Variants in QTRT1 observed in about 807,000 individuals in gnomAD.
QTRT1 encodes queuine tRNA-ribosyltransferase catalytic subunit 1.
QTRT1 carries 41 observed loss-of-function variants against 44.0 expected under a neutral mutation model. That is an observed-to-expected ratio of 0.93 (90% CI 0.73 to 1.21). The LOEUF (loss-of-function observed/expected upper bound fraction) is 1.21. QTRT1 is among the 50% of genes most tolerant of loss of function. The pLI is 0.00. For synonymous variants in QTRT1, 226 were observed against 237.1 expected (o/e 0.95, Z 0.43); for missense variants, 542 against 575.8 (o/e 0.94, Z 0.60).
chr19:10,705,018 C>G (rs544279641), intron 3 of QTRT1, among the ~76,000 whole-genome samples: 3 of 150,536 alleles, frequency 2.0e-5, no homozygotes, highest in Admixed American at 1.3e-4. Context: ...CGGGTTTAAG[C>G]TATTCTCCTG....
At chr19:10,709,709 C>T (rs867996105) in intron 5 of QTRT1, among the ~76,000 whole-genome samples, 21 of 152,258 alleles carry the variant, frequency 1.4e-4, no homozygotes, top group Admixed American at 2.6e-4. Context: ...ATTAGCTGGG[C>T]GTGGTGGCGG....
intron 5 of QTRT1, 169 bp from the exon 6 acceptor site, chr19:10,711,992 T>TGTCTCCCTCTCC (rs536637303): frequency 2.6e-6 from 2 of 772,346 alleles, no homozygotes; most frequent in South Asian, 1.7e-5. Flanking sequence ...CCCTCTCCTC[T>TGTCTCCCTCTCC]GTCTCCCTCT....
chr19:10,712,442 G>T lies in QTRT1; in HGVS notation c.786-111G>T. On this transcript the variant is annotated intron_variant, in intron 6 of 9. Coordinates refer to ENST00000250237, the MANE Select transcript of QTRT1 (RefSeq NM_031209.3). The surrounding 1 kb of genome is among the most constrained non-coding windows in gnomAD (Gnocchi z 5.6). ...GACTAGGAAGACATGGCTGTCCCTT[G>T]GGGGCCATTCTGAGGGAATATGGCC... 1 of 1,449,210 alleles carries T rather than the reference G, an allele frequency of 6.9e-7. No homozygotes were observed. Among genetic ancestry groups the T allele is most frequent in the Non-Finnish European group, 9.6e-7 (1 of 1,039,588 alleles). The allele number at this position is 1,449,210 out of a possible 1,614,324, so 89.8% of individuals were successfully genotyped here. A position where few individuals can be genotyped will look rare whatever the true frequency, so the allele number is the denominator to read the frequency against.
Position 10,702,241 on chromosome 19 carries a change from C to T in QTRT1, c.438C>T (p.Ile146=), listed in dbSNP as rs746958993. The change falls in exon 3 of 10, where the codon ATC becomes ATT. Residue 146 remains isoleucine, a synonymous_variant. Coordinates refer to ENST00000250237, the MANE Select transcript of QTRT1 (RefSeq NM_031209.3). The stretch of plus-strand genomic sequence containing the variant: ...TGAGCCCGGAGAAATCCGTGCAGAT[C>T]CAGAATGCGCTGGGTGAGAGGACCC... ...TLLSPEKSVQ[I]QNALGSDIIM... is the part of the protein sequence containing the mutation. 7 of 1,614,034 alleles carry T rather than the reference C, an allele frequency of 4.3e-6. No homozygotes were observed. The highest frequency in any genetic ancestry group is 5.1e-6 in the Non-Finnish European group (6 of 1,179,958).
chr19:10,712,728 G>A lies in QTRT1; in HGVS notation c.862-30G>A, dbSNP rs1489503959. ...TGGGGAGAATGAAGCCCTGGGTGACGCCCCTTTCCCTGCCCTTCCTCTCCC... is the reference window on the plus strand; with the variant it reads ...TGGGGAGAATGAAGCCCTGGGTGACACCCCTTTCCCTGCCCTTCCTCTCCC... On this transcript the variant is annotated intron_variant, in intron 7 of 9. Transcript: ENST00000250237. This position sits in a 1 kb window ranked among gnomAD's most constrained non-coding sequence, Gnocchi z 5.6. 6 of 1,596,534 alleles carry A rather than the reference G, an allele frequency of 3.8e-6. No individual in the cohort carries two copies. Among genetic ancestry groups the A allele is most frequent in the East Asian group, 2.2e-5 (1 of 44,764 alleles).
chr19:10,705,022 TCTC>T (rs1421022747), intron 3 of QTRT1, among the ~76,000 whole-genome samples: 5 of 151,382 alleles, frequency 3.3e-5, no homozygotes, highest in Middle Eastern at 6.8e-3. Context: ...TTTAAGCTAT[TCTC>T]CTGCCTCAGC....
Position 10,707,354 on chromosome 19 carries a change from G to A in QTRT1, c.504G>A (p.Gly168=). The part of the protein sequence containing the change: ...LDDVVSSTVT[G]PRVEEAMYRS... ...ACGTGGTTAGCAGTACTGTGACTGGGCCACGTGTGGAGGAGGCCATGTACA... is the reference window on the plus strand; with the variant it reads ...ACGTGGTTAGCAGTACTGTGACTGGACCACGTGTGGAGGAGGCCATGTACA... The change falls in exon 4 of 10, where the codon GGG becomes GGA. Residue 168 remains glycine (G), a synonymous_variant. Coordinates refer to ENST00000250237, the MANE Select transcript of QTRT1 (RefSeq NM_031209.3). The A allele has an allele frequency of 6.2e-7, 1 of 1,614,124 alleles. No individual in the cohort carries two copies. The highest frequency in any genetic ancestry group is 8.5e-7 in the Non-Finnish European group (1 of 1,180,020).
rs1599396737 is a variant in QTRT1, at chr19:10,712,059, C to T, written c.647-102C>T. ...TCTGTCTCTGTCTGTTTCTCTGACT[C>T]TCTCCCTGAGCGACTCTGGAAGTCT... On this transcript the variant is annotated intron_variant, in intron 5 of 9. Transcript: ENST00000250237. This position sits in a 1 kb window ranked among gnomAD's most constrained non-coding sequence, Gnocchi z 5.6. 75 of 1,451,394 alleles carry T rather than the reference C, an allele frequency of 5.2e-5. No individual in the cohort carries two copies. In the East Asian group the frequency reaches 1.7e-3, roughly 32 times the overall value. The allele number at this position is 1,451,394 out of a possible 1,614,324, so 89.9% of individuals were successfully genotyped here.
At position 10,712,707 on chromosome 19, in the gene QTRT1, G is replaced by A. The variant is rs754869222; in HGVS notation, c.862-51G>A. ...GGCAAGGTTAGGGGTGGGGGGTGGG[G>A]AGAATGAAGCCCTGGGTGACGCCCC... is the stretch of plus-strand genomic sequence containing the variant. On this transcript the variant is annotated intron_variant, in intron 7 of 9. Transcript: ENST00000250237. This position sits in a 1 kb window ranked among gnomAD's most constrained non-coding sequence, Gnocchi z 5.6. 6.5e-6 allele frequency: 4 copies of A among 614,168 alleles called. No individual in the cohort carries two copies. The highest frequency in any genetic ancestry group is 5.5e-5 in the South Asian group (4 of 72,216). The allele number at this position is 614,168 out of a possible 1,614,324, so 38.0% of individuals were successfully genotyped here.
chr19:10,702,826 A>G (rs1348866800), intron 3 of QTRT1, among the ~76,000 whole-genome samples: 1 of 122,524 alleles, frequency 8.2e-6, no homozygotes, highest in Admixed American at 1.1e-4. Context: ...CTGGAGTGCA[A>G]TTTTGCGATC....
chr19:10,702,740 C>G (rs550502095), intron 3 of QTRT1, among the ~76,000 whole-genome samples: 2 of 150,886 alleles, frequency 1.3e-5, no homozygotes, highest in Admixed American at 1.3e-4. Flanking sequence ...TAGGCTTCTC[C>G]CATATCCTCA....
chr19:10,709,904 G>A (rs1177691684), intron 5 of QTRT1, among the ~76,000 whole-genome samples: 15 of 152,016 alleles, frequency 9.9e-5, no homozygotes, highest in Admixed American at 2.0e-4. Flanking sequence ...TTAGCTACTC[G>A]GGAGGCTGAG....
intron 3 of QTRT1, among the ~76,000 whole-genome samples, chr19:10,703,304 C>T (rs2068698781): frequency 6.6e-6 from 1 of 151,748 alleles, no homozygotes; most frequent in South Asian, 2.1e-4. Context: ...TCAGGTGATC[C>T]ACCTGCTTCG....
intron 3 of QTRT1, among the ~76,000 whole-genome samples, chr19:10,704,918 T>G (rs537382450): frequency 8.1e-6 from 1 of 124,102 alleles, no homozygotes; most frequent in Admixed American, 7.6e-5. Context: ...ATGTCGTAAT[T>G]TTTTTTTTTT....
intron 5 of QTRT1, among the ~76,000 whole-genome samples, chr19:10,710,824 G>C (rs2068735660): frequency 6.6e-6 from 1 of 151,394 alleles, no homozygotes; most frequent in South Asian, 2.1e-4. Flanking sequence ...TCGGGGGGCT[G>C]AGGCAGGAGA....
intron 5 of QTRT1, chr19:10,709,115 G>A (rs1165480953): frequency 6.6e-6 from 1 of 152,306 alleles, no homozygotes; most frequent in South Asian, 2.1e-4. Context: ...CTGGGCAGCT[G>A]GGGCACAAGA....
intron 5 of QTRT1, among the ~76,000 whole-genome samples, chr19:10,709,654 C>T (rs2068729928): frequency 6.6e-6 from 1 of 152,022 alleles, no homozygotes; most frequent in Non-Finnish European, 1.5e-5. Flanking sequence ...CGAGACCAAC[C>T]TGGCTAACAC....
Position 10,701,568 on chromosome 19 carries a change from G to A in QTRT1, c.108G>A (p.Pro36=). The A allele has an allele frequency of 6.2e-7, 1 of 1,607,378 alleles. No homozygotes were observed. Among genetic ancestry groups the A allele is most frequent in the Admixed American group, 1.7e-5 (1 of 59,610 alleles). ...CCCGGGCAGGCGAGCTGTGGCTGCC[G>A]CATGGGACAGTGGCCACTCCTGTGT... ...SRARAGELWL[P]HGTVATPVFM... The change falls in exon 1 of 10, where the codon CCG becomes CCA. Residue 36 remains proline, a synonymous_variant. Coordinates refer to ENST00000250237, the MANE Select transcript of QTRT1 (RefSeq NM_031209.3).
intron 5 of QTRT1, chr19:10,711,289 A>C (rs2068737897): frequency 6.6e-6 from 1 of 152,152 alleles, no homozygotes; most frequent in Non-Finnish European, 1.5e-5. Context: ...CTTCTGCCTC[A>C]GCCTCCTGTG....
Sources: gnomAD v4.1 joint callset for allele counts (sites outside exome capture counted in the v4.1 genomes callset) on GRCh38, gnomAD v4.1.1 for gene constraint, Gnocchi (gnomAD v3.1) non-coding constraint, MANE v1.5 for transcripts, NCBI Gene and HGNC (gene_info 2026-07-23, HGNC 2026-07-21) for gene names.